BCAS3: variants seen among roughly 807,000 people sequenced by gnomAD.
The protein encoded by BCAS3 is BCAS3 microtubule associated cell migration factor.
In BCAS3, 53 loss-of-function variants were observed where a neutral mutation model predicts 116.1. The observed-to-expected ratio is 0.46, with a 90% CI of 0.37 to 0.57. The LOEUF is 0.57. Ranked by LOEUF, BCAS3 falls within the 20% of genes least tolerant of loss-of-function variation. The probability of loss-of-function intolerance (pLI) is 0.00; values close to 1 mark genes in which losing one functional copy is unlikely to be tolerated. For synonymous variants in BCAS3, 391 were observed against 408.2 expected (o/e 0.96, Z 0.51); for missense variants, 917 against 1,165.4 (o/e 0.79, Z 3.10).
chr17:61,047,021 G>T (rs1024961534), intron 19 of BCAS3, among the ~76,000 whole-genome samples: 3 of 151,860 alleles, frequency 2.0e-5, no homozygotes, highest in African/African-American at 7.2e-5. Flanking sequence ...GTGGCAAAAA[G>T]GGTGGCTTGT....
At position 61,214,039 on chromosome 17, in the gene BCAS3, G is replaced by A. The variant is rs2081624346; in HGVS notation, c.2425+129475G>A. Among the ~76,000 whole-genome samples the A allele has an allele frequency of 6.6e-6, 1 of 152,056 alleles. No individual in the cohort carries two copies. The highest frequency in any genetic ancestry group is 1.5e-5 in the Non-Finnish European group (1 of 68,018). On this transcript the variant is annotated intron_variant, in intron 22 of 23. Coordinates refer to ENST00000407086, the MANE Select transcript of BCAS3 (RefSeq NM_017679.5). This position sits in a 1 kb window ranked among gnomAD's most constrained non-coding sequence, Gnocchi z 4.4. ...CTGGAGATTCTACCTAACCTCACAG[G>A]ACTCCTAGCATGGCTGGTTTCAAAA...
At chr17:60,871,884 G>C (rs1369790371) in intron 8 of BCAS3, among the ~76,000 whole-genome samples, 1 of 151,730 alleles carries the variant, frequency 6.6e-6, no homozygotes, top group Non-Finnish European at 1.5e-5. Flanking sequence ...CCTTAGGAAG[G>C]TATTTCTTTT....
At chr17:61,322,806 G>GAGAGAGAGAGAGAGAGAGAGAGAGAC (rs2055353447) in intron 22 of BCAS3, among the ~76,000 whole-genome samples, 1 of 130,842 alleles carries the variant, frequency 7.6e-6, no homozygotes, top group African/African-American at 2.9e-5. Flanking sequence ...GAGAGAGAGA[G>GAGAGAGAGAGAGAGAGAGAGAGAGAC]AGAGAGAGAG....
At chr17:60,880,909 A>G (rs2056070385) in intron 9 of BCAS3, among the ~76,000 whole-genome samples, 1 of 152,054 alleles carries the variant, frequency 6.6e-6, no homozygotes, top group Non-Finnish European at 1.5e-5. Context: ...TCTTTTTGCA[A>G]AAAATGTTCC....
In BCAS3 at chr17:60,993,191, T is replaced by C. The variant is rs542448479; in HGVS notation, c.1486+2956T>C. Among the ~76,000 whole-genome samples the C allele has an allele frequency of 6.6e-6, 1 of 152,328 alleles. No homozygotes were observed. Among genetic ancestry groups the C allele is most frequent in the Admixed American group, 6.5e-5 (1 of 15,298 alleles). On this transcript the variant is annotated intron_variant, in intron 15 of 23. Transcript: ENST00000407086. This position sits in a 1 kb window ranked among gnomAD's most constrained non-coding sequence, Gnocchi z 4.2. Reference sequence around the variant, plus strand: ...TGTATTCCACGGGAAAAGACAGATATTAAATGACTGTGAACAAATACCTTT... The same window carrying C: ...TGTATTCCACGGGAAAAGACAGATACTAAATGACTGTGAACAAATACCTTT...
Position 61,134,684 on chromosome 17 carries a change from T to C in BCAS3, c.2425+50120T>C, listed in dbSNP as rs2076525173. Among the ~76,000 whole-genome samples, 1 of 152,246 alleles carries C rather than the reference T, an allele frequency of 6.6e-6. No homozygotes were observed. Among genetic ancestry groups the C allele is most frequent in the Non-Finnish European group, 1.5e-5 (1 of 68,048 alleles). On this transcript the variant is annotated intron_variant, in intron 22 of 23. Coordinates refer to ENST00000407086, the MANE Select transcript of BCAS3 (RefSeq NM_017679.5). This position sits in a 1 kb window ranked among gnomAD's most constrained non-coding sequence, Gnocchi z 4.6. ...TAGCATTGATGGAGCCTGTACTATA[T>C]AATTATGTAATTATATTTACAAACA... is the stretch of plus-strand genomic sequence containing the variant.
intron 14 of BCAS3, among the ~76,000 whole-genome samples, chr17:60,982,868 G>A (rs1323324424): frequency 1.3e-5 from 2 of 152,074 alleles, no homozygotes; most frequent in African/African-American, 4.8e-5. Context: ...ACTGAACCCA[G>A]TTCTAAAAAA....
Position 61,248,901 on chromosome 17 carries a change from T to C in BCAS3, c.2426-119426T>C, listed in dbSNP as rs1171074483. On this transcript the variant is annotated intron_variant, in intron 22 of 23. Coordinates refer to ENST00000407086, the MANE Select transcript of BCAS3 (RefSeq NM_017679.5). This position sits in a 1 kb window ranked among gnomAD's most constrained non-coding sequence, Gnocchi z 4.3. The stretch of plus-strand genomic sequence containing the variant: ...CTGTCAAATACTTATAAAACTTCCT[T>C]CTTCTTTGCTCTTAAAGATAAGACG... Among the ~76,000 whole-genome samples the C allele has an allele frequency of 6.6e-6, 1 of 152,190 alleles. No homozygotes were observed. Among genetic ancestry groups the C allele is most frequent in the Non-Finnish European group, 1.5e-5 (1 of 68,024 alleles).
intron 22 of BCAS3, among the ~76,000 whole-genome samples, chr17:61,127,363 G>A (rs2076099333): frequency 1.4e-5 from 2 of 147,472 alleles, no homozygotes; most frequent in Non-Finnish European, 2.9e-5. Context: ...TCTCGTGTAA[G>A]TGAGGGTTTT....
intron 5 of BCAS3, among the ~76,000 whole-genome samples, chr17:60,741,258 C>G (rs1216277595): frequency 6.6e-6 from 1 of 152,126 alleles, no homozygotes; most frequent in Admixed American, 6.6e-5. Context: ...GTGGTCAGAT[C>G]TAAGTGAAGT....
chr17:60,912,087 ACT>A (rs2058545208), intron 12 of BCAS3, among the ~76,000 whole-genome samples: 1 of 151,902 alleles, frequency 6.6e-6, no homozygotes, highest in South Asian at 2.1e-4. Context: ...GCACTCATAA[ACT>A]CTATTTTCTT....
chr17:61,286,981 G>A lies in BCAS3; in HGVS notation c.2426-81346G>A, dbSNP rs927127948. On this transcript the variant is annotated intron_variant, in intron 22 of 23. Coordinates refer to ENST00000407086, the MANE Select transcript of BCAS3 (RefSeq NM_017679.5). The surrounding 1 kb of genome is among the most constrained non-coding windows in gnomAD (Gnocchi z 4.8). Reference sequence around the variant, plus strand: ...AGCTCTATGGAGGCCAGGCGTGGTGGCTCGCGCCTGTAATCCCAGCACTTT... The same window carrying A: ...AGCTCTATGGAGGCCAGGCGTGGTGACTCGCGCCTGTAATCCCAGCACTTT... Among the ~76,000 whole-genome samples the A allele has an allele frequency of 6.6e-6, 1 of 152,190 alleles. No individual in the cohort carries two copies. Among genetic ancestry groups the A allele is most frequent in the African/African-American group, 2.4e-5 (1 of 41,442 alleles).
At chr17:61,382,259 CTT>C (rs149187858) in intron 23 of BCAS3, among the ~76,000 whole-genome samples, 1 of 145,446 alleles carries the variant, frequency 6.9e-6, no homozygotes, top group Non-Finnish European at 1.5e-5. Flanking sequence ...TGTTTTTTGG[CTT>C]TTTTTTTTCT....
At chr17:61,212,935 C>A (rs1030771589) in intron 22 of BCAS3, among the ~76,000 whole-genome samples, 1 of 152,134 alleles carries the variant, frequency 6.6e-6, no homozygotes, top group African/African-American at 2.4e-5. Flanking sequence ...CTTTCAAAAG[C>A]CTTTGCTTAT....
chr17:61,380,373 A>G lies in BCAS3; in HGVS notation c.2594-11604A>G, dbSNP rs981741436. On this transcript the variant is annotated intron_variant, in intron 23 of 23. Transcript: ENST00000407086. This position sits in a 1 kb window ranked among gnomAD's most constrained non-coding sequence, Gnocchi z 4.2. Reference sequence around the variant, plus strand: ...GATGTGCTGTGCCTGGGAACAGACCATGAACACCCCCGCAAAGCTCTCAGT... The same window carrying G: ...GATGTGCTGTGCCTGGGAACAGACCGTGAACACCCCCGCAAAGCTCTCAGT... 2 of 764,054 alleles carry G rather than the reference A, an allele frequency of 2.6e-6. No homozygotes were observed. The highest frequency in any genetic ancestry group is 1.6e-5 in the South Asian group (1 of 63,406). 47.3% of individuals were successfully genotyped at this position (764,054 alleles called of 1,614,324 possible).
At chr17:61,306,615 C>T (rs2053874523) in intron 22 of BCAS3, among the ~76,000 whole-genome samples, 1 of 151,974 alleles carries the variant, frequency 6.6e-6, no homozygotes, top group Non-Finnish European at 1.5e-5. Context: ...AGTCTCTACA[C>T]AAAGTAATAA....
At position 61,261,463 on chromosome 17, in the gene BCAS3, T is replaced by C. The variant is rs7219410; in HGVS notation, c.2426-106864T>C. 0.026 allele frequency among the ~76,000 whole-genome samples: 3,929 copies of C among 152,330 alleles called. 124 individuals carry two copies. Among genetic ancestry groups the C allele is most frequent in the African/African-American group, 0.088 (3,649 of 41,550 alleles). ...GTTTTTTTTATCATTCCTTTCCAGA[T>C]TGTGTGGGCCACACTGTAGCATTTT... On this transcript the variant is annotated intron_variant, in intron 22 of 23. Coordinates refer to ENST00000407086, the MANE Select transcript of BCAS3 (RefSeq NM_017679.5). This position sits in a 1 kb window ranked among gnomAD's most constrained non-coding sequence, Gnocchi z 4.4.
chr17:60,733,594 A>C (rs1899227421), intron 5 of BCAS3, among the ~76,000 whole-genome samples: 1 of 152,080 alleles, frequency 6.6e-6, no homozygotes. Context: ...TAATCCTAGC[A>C]CTTCTAAGAG....
chr17:60,906,401 G>C (rs1461743560), intron 11 of BCAS3, among the ~76,000 whole-genome samples: 1 of 152,280 alleles, frequency 6.6e-6, no homozygotes, highest in Admixed American at 6.5e-5. Flanking sequence ...CCTTATTGCT[G>C]TAGGTGGACT....
Sources: gnomAD v4.1 joint callset for allele counts (sites outside exome capture counted in the v4.1 genomes callset) on GRCh38, gnomAD v4.1.1 for gene constraint, Gnocchi (gnomAD v3.1) non-coding constraint, MANE v1.5 for transcripts, NCBI Gene and HGNC (gene_info 2026-07-23, HGNC 2026-07-21) for gene names.